IGFBP7: variants seen among roughly 807,000 people sequenced by gnomAD.
IGFBP7 encodes insulin like growth factor binding protein 7.
A neutral mutation model predicts 29.4 loss-of-function variants in IGFBP7; 31 were observed. That is an observed-to-expected ratio of 1.05 (90% confidence interval 0.79 to 1.42). The LOEUF is 1.42. IGFBP7 is among the 40% of genes most tolerant of loss of function. The pLI is 0.00. For missense variants in IGFBP7, 393 were observed against 395.5 expected (o/e 0.99, Z 0.05); for synonymous variants, 172 against 174.9 (o/e 0.98, Z 0.13).
Position 57,032,463 on chromosome 4 carries a change from T to C in IGFBP7, c.792A>G (p.Thr264=), listed in dbSNP as rs780297621. 6.2e-7 allele frequency: 1 copy of C among 1,613,756 alleles called. No individual in the cohort carries two copies. Among genetic ancestry groups the C allele is most frequent in the Non-Finnish European group, 8.5e-7 (1 of 1,179,618 alleles). ...QGQASASAKI[T]VVDALHEIPV... ...GTATTTCATGTAAGGCATCAACCAC[T>C]GTAATTTTTGCTGATGCTGAAGCCT... The change falls in exon 4 of 5, where the codon ACA becomes ACG. Residue 264 remains threonine (T), a synonymous_variant. Transcript: ENST00000295666.
intron 1 of IGFBP7, chr4:57,072,898 C>T (rs1725090930): frequency 4.3e-6 from 3 of 694,908 alleles, no homozygotes; most frequent in South Asian, 4.1e-5. Flanking sequence ...TCACGCCCTG[C>T]TACCACCCCA....
At chr4:57,067,672 T>C (rs1724951737) in intron 1 of IGFBP7, among the ~76,000 whole-genome samples, 1 of 152,168 alleles carries the variant, frequency 6.6e-6, no homozygotes, top group Non-Finnish European at 1.5e-5. Flanking sequence ...AGATTTCATA[T>C]TATGTGTTTT....
At chr4:57,044,964 C>T (rs935083360) in intron 1 of IGFBP7, among the ~76,000 whole-genome samples, 1 of 152,164 alleles carries the variant, frequency 6.6e-6, no homozygotes, top group African/African-American at 2.4e-5. Context: ...CTTACTTCAG[C>T]CTCCCAAAGT....
At chr4:57,049,028 G>A (rs1724436036) in intron 1 of IGFBP7, among the ~76,000 whole-genome samples, 1 of 152,144 alleles carries the variant, frequency 6.6e-6, no homozygotes, top group African/African-American at 2.4e-5. Flanking sequence ...AAGTTCTGAA[G>A]TCTCACTGTC....
chr4:57,073,852 G>C (rs6835177), intron 1 of IGFBP7, among the ~76,000 whole-genome samples: 63,647 of 151,792 alleles, frequency 0.42, 14,588 homozygotes, highest in African/African-American at 0.6. Flanking sequence ...TGATCCTCAG[G>C]ACAGTCCTGT....
chr4:57,068,647 A>G (rs1714021), intron 1 of IGFBP7, among the ~76,000 whole-genome samples: 61,994 of 151,950 alleles, frequency 0.41, 14,345 homozygotes, highest in Admixed American at 0.55. Flanking sequence ...AAATATCAAA[A>G]GATGGGAACT....
At chr4:57,041,695 C>G (rs767368783) in intron 1 of IGFBP7, among the ~76,000 whole-genome samples, 1 of 152,028 alleles carries the variant, frequency 6.6e-6, no homozygotes, top group Non-Finnish European at 1.5e-5. Context: ...ACCACCATGT[C>G]AGTTAATTTT....
At chr4:57,087,846 T>C (rs747060654) in intron 1 of IGFBP7, among the ~76,000 whole-genome samples, 9 of 152,252 alleles carry the variant, frequency 5.9e-5, no homozygotes, top group Non-Finnish European at 1.3e-4. Flanking sequence ...GTGCCAATGA[T>C]CACTGTTAGT....
intron 1 of IGFBP7, among the ~76,000 whole-genome samples, chr4:57,105,784 ATG>A (rs1726014272): frequency 6.6e-6 from 1 of 152,184 alleles, no homozygotes; most frequent in African/African-American, 2.4e-5. Flanking sequence ...AGTTGAAACA[ATG>A]GCTGGATGCA....
At chr4:57,067,310 G>C (rs999964225) in intron 1 of IGFBP7, among the ~76,000 whole-genome samples, 6 of 151,982 alleles carry the variant, frequency 3.9e-5, no homozygotes, top group Non-Finnish European at 8.8e-5. Context: ...CTTAAACAGT[G>C]CATGGAAGAC....
At chr4:57,051,409 G>A (rs1230126494) in intron 1 of IGFBP7, among the ~76,000 whole-genome samples, 4 of 152,322 alleles carry the variant, frequency 2.6e-5, no homozygotes, top group South Asian at 2.1e-4. Context: ...GCATAGGCCA[G>A]ATTTAATCTC....
rs111267019 is a variant in IGFBP7, at chr4:57,032,554, T to A, written c.703-2A>T. ...ATCTTCCTTACTTAGAGGAGATACC[T>A]GTGAAAGAAAAAAGATCTAGTATTC... On this transcript the variant is annotated splice_acceptor_variant, in intron 3 of 4. Transcript: ENST00000295666. LOFTEE classifies it high-confidence loss of function. The A allele has an allele frequency of 8.1e-6, 13 of 1,610,508 alleles. No homozygotes were observed. Among genetic ancestry groups the A allele is most frequent in the Non-Finnish European group, 1.0e-5 (12 of 1,176,654 alleles).
chr4:57,059,414 C>T (rs542934097), intron 1 of IGFBP7, among the ~76,000 whole-genome samples: 1 of 152,186 alleles, frequency 6.6e-6, no homozygotes, highest in South Asian at 2.1e-4. Flanking sequence ...ACTATGCAGC[C>T]ATAAAAAAGA....
In IGFBP7 at chr4:57,089,039, T is replaced by TAAA. The variant is rs397734783; in HGVS notation, c.475+20835_475+20837dup. ...AGAGTGAGACTCTGTCTCAAAAAAA[T>TAAA]AAAAAAAAAAAAAAAGAGAGGCAAC... On this transcript the variant is annotated intron_variant, in intron 1 of 4. Transcript: ENST00000295666. 6.8e-3 allele frequency among the ~76,000 whole-genome samples: 907 copies of TAAA among 133,084 alleles called. 36 individuals are homozygous for TAAA. Among genetic ancestry groups the TAAA allele is most frequent in the East Asian group, 0.04 (180 of 4,538 alleles). 87.3% of individuals were successfully genotyped at this position (133,084 alleles called of 152,430 possible).
intron 1 of IGFBP7, among the ~76,000 whole-genome samples, chr4:57,081,973 C>T (rs1725381096): frequency 1.3e-5 from 2 of 152,124 alleles, no homozygotes; most frequent in African/African-American, 2.4e-5. Context: ...CAGACTTTGG[C>T]TTACCAGGTG....
At chr4:57,057,840 G>C (rs1353328884) in intron 1 of IGFBP7, among the ~76,000 whole-genome samples, 6 of 152,200 alleles carry the variant, frequency 3.9e-5, no homozygotes, top group Non-Finnish European at 7.3e-5. Context: ...AAGTAATCCA[G>C]GTTTACCTAG....
intron 2 of IGFBP7, among the ~76,000 whole-genome samples, chr4:57,034,635 ACTC>A (rs1475625016): frequency 2.0e-5 from 3 of 151,936 alleles, no homozygotes; most frequent in Non-Finnish European, 4.4e-5. Context: ...TGTGGATCCC[ACTC>A]CTACCATGTG....
intron 1 of IGFBP7, among the ~76,000 whole-genome samples, chr4:57,103,878 A>G (rs1725961805): frequency 6.6e-6 from 1 of 151,328 alleles, no homozygotes. Context: ...CCAGGCTGGC[A>G]ATTTTCAGGT....
Position 57,110,371 on chromosome 4 carries a change from G to A in IGFBP7, c.-20C>T, listed in dbSNP as rs964968790. 2.3e-6 allele frequency: 3 copies of A among 1,327,446 alleles called. No homozygotes were observed. The African/African-American group carries it at 4.6e-5, about 20-fold the overall frequency. 82.2% of individuals were successfully genotyped at this position (1,327,446 alleles called of 1,614,324 possible). On this transcript the variant is annotated 5_prime_UTR_variant, in exon 1 of 5. Coordinates refer to ENST00000295666, the MANE Select transcript of IGFBP7 (RefSeq NM_001553.3). ...CTCCATGGCGGGGTGCGGTGGCAGC[G>A]GCAAGGGCGCGAGTGAGCCGTGTCG...
Sources: gnomAD v4.1 joint callset for allele counts (sites outside exome capture counted in the v4.1 genomes callset) on GRCh38, gnomAD v4.1.1 for gene constraint, MANE v1.5 for transcripts, NCBI Gene and HGNC (gene_info 2026-07-23, HGNC 2026-07-21) for gene names.